Variants in COX18 observed in about 807,000 individuals in gnomAD.
COX18 encodes the protein cytochrome c oxidase assembly factor COX18, also known as cytochrome c oxidase assembly protein COX18, mitochondrial.
In COX18, 45 loss-of-function variants were observed where a neutral mutation model predicts 38.0. The observed-to-expected ratio is 1.18, with a 90% CI of 0.93 to 1.52. COX18 has a LOEUF of 1.52. Among genes scored for constraint, COX18 ranks in the 40% most tolerant of loss-of-function variants. The pLI, the probability that COX18 is intolerant of heterozygous loss-of-function variation, is 0.00. For synonymous variants in COX18, 177 were observed against 169.8 expected (o/e 1.04, Z -0.33); for missense variants, 462 against 423.8 (o/e 1.09, Z -0.79).
intron 1 of COX18, among the ~76,000 whole-genome samples, chr4:73,069,079 ATC>A (rs1238617113): frequency 1.3e-5 from 2 of 152,230 alleles, no homozygotes; most frequent in African/African-American, 4.8e-5. Flanking sequence ...TGGAGCACAA[ATC>A]CAGTAAGACA....
intron 4 of COX18, among the ~76,000 whole-genome samples, chr4:73,063,654 A>T (rs1720292558): frequency 6.6e-6 from 1 of 152,186 alleles, no homozygotes; most frequent in Admixed American, 6.5e-5. Context: ...CCTTCTTTCT[A>T]CCAAATATTC....
rs1220656201 is a variant in COX18 at position 73,056,838 on chromosome 4, C to G, written c.*1276G>C. ...ACCTCCAAAATAATAAGAAACATCT[C>G]AGCTGGGCACAGTGGCTCACGCCTG... On this transcript the variant is annotated 3_prime_UTR_variant, in exon 6 of 6. Coordinates refer to ENST00000507544, the MANE Select transcript of COX18 (RefSeq NM_001297732.2). The G allele has an allele frequency of 6.6e-6, 1 of 152,290 alleles. No individual in the cohort carries two copies. The highest frequency in any genetic ancestry group is 1.5e-5 in the Non-Finnish European group (1 of 68,134). The allele number at this position is 152,290 out of a possible 1,614,324, so 9.4% of individuals were successfully genotyped here.
In COX18 at chr4:73,056,615, C is replaced by T. The variant is rs983308294; in HGVS notation, c.*1499G>A. The T allele has an allele frequency of 5.9e-5, 9 of 152,134 alleles. No individual in the cohort carries two copies. Among genetic ancestry groups the T allele is most frequent in the South Asian group, 4.2e-4 (2 of 4,818 alleles). 9.4% of individuals were successfully genotyped at this position (152,134 alleles called of 1,614,324 possible). ...TACTGCATATATTTCAAGTTGCCCC[C>T]GCTTTTTTTTTCAACCACGCATTAA... On this transcript the variant is annotated 3_prime_UTR_variant, in exon 6 of 6. Coordinates refer to ENST00000507544, the MANE Select transcript of COX18 (RefSeq NM_001297732.2).
intron 5 of COX18, 113 bp from the exon 6 acceptor site, chr4:73,058,400 C>G: frequency 1.4e-6 from 1 of 711,934 alleles, no homozygotes; most frequent in Non-Finnish European, 2.3e-6. Flanking sequence ...CAAGACTAAG[C>G]AAGACTTGCA....
At chr4:73,068,962 TA>T (rs1051913699) in intron 1 of COX18, among the ~76,000 whole-genome samples, 3 of 152,220 alleles carry the variant, frequency 2.0e-5, no homozygotes, top group African/African-American at 7.2e-5. Flanking sequence ...TACTGGCTAT[TA>T]AAACTTTTAA....
intron 2 of COX18, among the ~76,000 whole-genome samples, 165 bp downstream of exon 2, chr4:73,067,864 A>AAAATATATATATAT: frequency 2.5e-4 from 5 of 20,018 alleles, no homozygotes; most frequent in Non-Finnish European, 3.1e-4. Flanking sequence ...AAAAAAAAAA[A>AAAATATATATATAT]ATATATATAT....
intron 2 of COX18, among the ~76,000 whole-genome samples, chr4:73,066,224 A>C (rs1720439505): frequency 6.6e-6 from 1 of 152,228 alleles, no homozygotes; most frequent in Non-Finnish European, 1.5e-5. Flanking sequence ...TTACTCCTCT[A>C]GACACCTGCA....
At chr4:73,060,062 AC>A (rs1347012039) in intron 5 of COX18, among the ~76,000 whole-genome samples, 1 of 152,202 alleles carries the variant, frequency 6.6e-6, no homozygotes. Flanking sequence ...CTGCATGATA[AC>A]AAGCTCTAAC....
intron 5 of COX18, 44 bp downstream of exon 5, chr4:73,061,769 A>T: frequency 9.5e-7 from 1 of 1,057,960 alleles, no homozygotes; most frequent in Non-Finnish European, 1.5e-6. Flanking sequence ...CTAAAGTCAG[A>T]GAGGATTTAG....
chr4:73,054,858 C>T lies in COX18; in HGVS notation c.*3256G>A, dbSNP rs1275728507. ...CCTGGCCACAAGGATCTGCCCTATC[C>T]TGAAACTTTCTAGGGGCCCCCAGCC... On this transcript the variant is annotated 3_prime_UTR_variant, in exon 6 of 6. Transcript: ENST00000507544. 6.6e-6 allele frequency: 1 copy of T among 152,204 alleles called. No individual in the cohort carries two copies. Among genetic ancestry groups the T allele is most frequent in the Admixed American group, 6.5e-5 (1 of 15,280 alleles). 9.4% of individuals were successfully genotyped at this position (152,204 alleles called of 1,614,324 possible).
At position 73,064,875 on chromosome 4, in the gene COX18, G is replaced by C. The variant is rs1347792229; in HGVS notation, c.626C>G (p.Ala209Gly). ...EAGFSVQEQL[A>G]TGGILWFPDL... ...AGGAAACCACAGAATTCCACCAGTA[G>C]CTAACTGTTCCTGAACAGAAAAACC... Residue 209 changes from alanine to glycine, a missense_variant, in exon 4 of 6, where the codon GCT becomes GGT. Transcript: ENST00000507544. 1.9e-6 allele frequency: 3 copies of C among 1,613,844 alleles called. No homozygotes were observed. In the African/African-American group the frequency reaches 4.0e-5, roughly 22 times the overall value.
At chr4:73,061,311 C>T (rs1720141309) in intron 5 of COX18, among the ~76,000 whole-genome samples, 1 of 152,076 alleles carries the variant, frequency 6.6e-6, no homozygotes, top group African/African-American at 2.4e-5. Flanking sequence ...TTATGCAAAA[C>T]ACGTTGCAAA....
rs1438671556 is a variant in COX18 at position 73,069,617 on chromosome 4, C to T, written c.33G>A (p.Arg11=). Residue 11 remains arginine, a synonymous_variant, in exon 1 of 6, where the codon CGG becomes CGA. Coordinates refer to ENST00000507544, the MANE Select transcript of COX18 (RefSeq NM_001297732.2). The part of the protein sequence containing the change: MLCRLGGRWL[R]PLPALQLWAR... Reference sequence around the variant, plus strand: ...CCCAAAGCTGCAGGGCAGGGAGCGGCCGCAGCCACCGACCGCCGAGCCGGC... The same window carrying T: ...CCCAAAGCTGCAGGGCAGGGAGCGGTCGCAGCCACCGACCGCCGAGCCGGC... 2 of 1,551,256 alleles carry T rather than the reference C, an allele frequency of 1.3e-6. No homozygotes were observed. Among genetic ancestry groups the T allele is most frequent in the East Asian group, 2.4e-5 (1 of 41,824 alleles).
Position 73,067,864 on chromosome 4 carries a change from A to AAAATATATATATATAT in COX18, c.434+164_434+165insATATATATATATATTT. ...CTCAAAAAAAAAAAAAAAAAAAAAA[A>AAAATATATATATATAT]ATATATATATATATATATATAAAAA... On this transcript the variant is annotated intron_variant, in intron 2 of 5. Transcript: ENST00000507544. 2.5e-4 allele frequency among the ~76,000 whole-genome samples: 5 copies of AAAATATATATATATAT among 20,022 alleles called. 1 individual carries two copies. Among genetic ancestry groups the AAAATATATATATATAT allele is most frequent in the Non-Finnish European group, 4.7e-4 (3 of 6,448 alleles). 13.1% of individuals were successfully genotyped at this position (20,022 alleles called of 152,430 possible). A position where few individuals can be genotyped will look rare whatever the true frequency, so the allele number is the denominator to read the frequency against.
intron 5 of COX18, among the ~76,000 whole-genome samples, chr4:73,058,888 A>G (rs1221213297): frequency 6.6e-6 from 1 of 152,166 alleles, no homozygotes; most frequent in African/African-American, 2.4e-5. Context: ...CAGGAGGAAG[A>G]TTTTGGGATG....
Position 73,069,640 on chromosome 4 carries a change from G to T in COX18, c.10C>A (p.Arg4=). The T allele has an allele frequency of 1.9e-6, 3 of 1,549,458 alleles. No individual in the cohort carries two copies. Among genetic ancestry groups the T allele is most frequent in the Non-Finnish European group, 2.6e-6 (3 of 1,152,668 alleles). Reference sequence around the variant, plus strand: ...GGCCGCAGCCACCGACCGCCGAGCCGGCACAGCATTTCTGCACCACGGCGG... The same window carrying T: ...GGCCGCAGCCACCGACCGCCGAGCCTGCACAGCATTTCTGCACCACGGCGG... MLC[R]LGGRWLRPLP... Residue 4 remains arginine (R), a synonymous_variant, in exon 1 of 6, where the codon CGG becomes AGG. Transcript: ENST00000507544.
chr4:73,062,854 A>G (rs994986729), intron 4 of COX18, among the ~76,000 whole-genome samples: 4 of 108,050 alleles, frequency 3.7e-5, no homozygotes, highest in Admixed American at 1.1e-4. Context: ...GAAAAGAAGG[A>G]AAAAAAAAAA....
intron 4 of COX18, among the ~76,000 whole-genome samples, chr4:73,064,080 T>A (rs562993087): frequency 7.9e-5 from 12 of 151,582 alleles, no homozygotes; most frequent in African/African-American, 2.9e-4. Context: ...AGGTCAGGAG[T>A]TCGAGACCAG....
chr4:73,069,720 G>A (rs1296485194), upstream of COX18: 1 of 1,424,688 alleles, frequency 7.0e-7, no homozygotes, highest in Non-Finnish European at 9.5e-7. Flanking sequence ...AGCCAAGGCT[G>A]ATACGCGCAC....
Sources: gnomAD v4.1 joint callset for allele counts (sites outside exome capture counted in the v4.1 genomes callset) on GRCh38, gnomAD v4.1.1 for gene constraint, MANE v1.5 for transcripts, NCBI Gene and HGNC (gene_info 2026-07-23, HGNC 2026-07-21) for gene names.